PSG6: variants seen among roughly 807,000 people sequenced by gnomAD.
The protein encoded by PSG6 is pregnancy-specific beta-1-glycoprotein 6.
PSG6 carries 51 observed loss-of-function variants against 43.3 expected under a neutral mutation model. The observed-to-expected ratio is 1.18, with a 90% CI of 0.94 to 1.49. The LOEUF (loss-of-function observed/expected upper bound fraction) is 1.49. PSG6 is among the 40% of genes most tolerant of loss of function. PSG6 has a pLI of 0.00. For missense variants in PSG6, 770 were observed against 522.2 expected, an observed-to-expected ratio of 1.47 and a Z score of -4.62; for synonymous variants, 292 against 197.6, an observed-to-expected ratio of 1.48 and a Z score of -4.01.
intron 1 of PSG6, among the ~76,000 whole-genome samples, chr19:42,917,174 T>C (rs1004196633): frequency 3.3e-5 from 5 of 151,234 alleles, no homozygotes; most frequent in African/African-American, 1.2e-4. Context: ...GTCATTATTA[T>C]CATTTTTCAA....
intron 5 of PSG6, among the ~76,000 whole-genome samples, chr19:42,904,691 A>G (rs1972085204): frequency 6.6e-6 from 1 of 151,712 alleles, no homozygotes. Context: ...GGAAGACTCA[A>G]TATTGTTAGG....
At chr19:42,904,342 G>A (rs1286500511) in intron 5 of PSG6, among the ~76,000 whole-genome samples, 1 of 151,498 alleles carries the variant, frequency 6.6e-6, no homozygotes, top group African/African-American at 2.4e-5. Context: ...CAAATTGGAA[G>A]GAAGGAGTAA....
At chr19:42,909,424 G>A (rs1021681967) in intron 3 of PSG6, among the ~76,000 whole-genome samples, 3 of 151,466 alleles carry the variant, frequency 2.0e-5, no homozygotes, top group South Asian at 2.1e-4. Context: ...CTCAGATTTA[G>A]GACAGAGTTT....
intron 1 of PSG6, among the ~76,000 whole-genome samples, chr19:42,917,029 G>C (rs888423323): frequency 3.3e-5 from 5 of 151,528 alleles, no homozygotes; most frequent in African/African-American, 1.2e-4. Context: ...ACAGGATGCA[G>C]ACTCCTGTAG....
intron 3 of PSG6, among the ~76,000 whole-genome samples, chr19:42,909,055 T>C (rs934953894): frequency 2.6e-5 from 4 of 151,768 alleles, no homozygotes; most frequent in South Asian, 2.1e-4. Context: ...ATTTCTGATA[T>C]TTTTTGATTC....
At position 42,902,129 on chromosome 19, in the gene PSG6, T is replaced by C; in HGVS notation, c.*283A>G. On this transcript the variant is annotated 3_prime_UTR_variant, in exon 6 of 6. Coordinates refer to ENST00000187910, the MANE Select transcript of PSG6 (RefSeq NM_001031850.4). ...TTTATTACCATAAACCTATGAATAC[T>C]CATGAATAGTTTCCCAATTCTGGGG... 2.7e-6 allele frequency: 1 copy of C among 372,112 alleles called. No individual in the cohort carries two copies. The highest frequency in any genetic ancestry group is 4.0e-5 in the Admixed American group (1 of 25,308). The allele number at this position is 372,112 out of a possible 1,614,324, so 23.1% of individuals were successfully genotyped here.
chr19:42,909,842 G>C (rs1393686444), intron 3 of PSG6: 1 of 152,868 alleles, frequency 6.5e-6, no homozygotes, highest in Non-Finnish European at 1.5e-5. Context: ...CCTTTGCAGA[G>C]AGCAGGTGGC....
At position 42,916,126 on chromosome 19, in the gene PSG6, G is replaced by C. The variant is rs1477409420; in HGVS notation, c.426C>G (p.Tyr142Ter). 6.2e-7 allele frequency: 1 copy of C among 1,611,056 alleles called. No homozygotes were observed. Among genetic ancestry groups the C allele is most frequent in the Non-Finnish European group, 8.5e-7 (1 of 1,178,570 alleles). The change falls in exon 2 of 6, where the codon TAC (tyrosine) becomes TAG (stop). Residue 142 changes from tyrosine (Y) to a stop codon, truncating the protein, a stop_gained and splice_region_variant. Coordinates refer to ENST00000187910, the MANE Select transcript of PSG6 (RefSeq NM_001031850.4). LOFTEE classifies it high-confidence loss of function. Reference sequence around the variant, plus strand: ...CAGGGATCATGCGGAATCACTCACAGTATAAGGTGACAGTGAAATATCCAG... The same window carrying C: ...CAGGGATCATGCGGAATCACTCACACTATAAGGTGACAGTGAAATATCCAG... Reference protein sequence around the residue: ...GVTGYFTVTLYSETPKPSISS... With the variant: ...GVTGYFTVTL
intron 1 of PSG6, among the ~76,000 whole-genome samples, chr19:42,916,710 C>A (rs1471667374): frequency 9.3e-5 from 14 of 151,032 alleles, no homozygotes; most frequent in African/African-American, 3.2e-4. Context: ...ACCCCCATTC[C>A]TTCAACACTC....
At position 42,913,739 on chromosome 19, in the gene PSG6, A is replaced by G. The variant is rs57150783; in HGVS notation, c.427+2386T>C. Among the ~76,000 whole-genome samples, 1,155 of 151,768 alleles carry G rather than the reference A, an allele frequency of 7.6e-3. 24 individuals are homozygous for G. Among genetic ancestry groups the G allele is most frequent in the African/African-American group, 0.026 (1,077 of 41,384 alleles). On this transcript the variant is annotated intron_variant, in intron 2 of 5. Coordinates refer to ENST00000187910, the MANE Select transcript of PSG6 (RefSeq NM_001031850.4). The stretch of plus-strand genomic sequence containing the variant: ...ATGTTTCTCATTCTTTTGCCTTCTG[A>G]CAACCGGCTGACCTCATCCATACCT...
chr19:42,915,965 G>A (rs10421952), intron 2 of PSG6, 160 bp downstream of exon 2: 3 of 1,181,198 alleles, frequency 2.5e-6, no homozygotes, highest in Non-Finnish European at 2.4e-6. Flanking sequence ...CTGTTGAAAT[G>A]TGTCTCCTCT....
chr19:42,910,962 G>C lies in PSG6; in HGVS notation c.428-104C>G, dbSNP rs375456092. ...ATTTCCAACCTCTCAGCCCACCCAA[G>C]TCCTTAAAAGCCCATGGCAGGTGTG... On this transcript the variant is annotated intron_variant, in intron 2 of 5. Transcript: ENST00000187910. 86 of 1,515,256 alleles carry C rather than the reference G, an allele frequency of 5.7e-5. 4 individuals carry two copies. Among genetic ancestry groups the C allele is most frequent in the Admixed American group, 3.5e-4 (16 of 45,406 alleles). The allele number at this position is 1,515,256 out of a possible 1,614,324, so 93.9% of individuals were successfully genotyped here. A position where few individuals can be genotyped will look rare whatever the true frequency, so the allele number is the denominator to read the frequency against.
At chr19:42,916,613 AACACAC>A in intron 1 of PSG6, 126 bp from the exon 2 acceptor site, 1 of 1,333,860 alleles carries the variant, frequency 7.5e-7, no homozygotes. Flanking sequence ...CACACATACA[AACACAC>A]ACACACAAAA....
intron 1 of PSG6, among the ~76,000 whole-genome samples, chr19:42,917,098 G>A (rs924364060): frequency 6.6e-6 from 1 of 150,968 alleles, no homozygotes; most frequent in African/African-American, 2.4e-5. Flanking sequence ...CAATTGTTGA[G>A]GTTTTTTGCT....
At chr19:42,910,421 G>T (rs1306440347) in intron 3 of PSG6, 159 bp downstream of exon 3, 2 of 1,566,544 alleles carry the variant, frequency 1.3e-6, no homozygotes, top group East Asian at 2.2e-5. Context: ...TCAAGCCTAG[G>T]CCTACTCTGG....
intron 3 of PSG6, chr19:42,910,129 G>T (rs546944549): frequency 5.3e-4 from 136 of 258,700 alleles, no homozygotes; most frequent in Middle Eastern, 1.4e-3. Context: ...TCCCCTGTAT[G>T]GTAATAGGTG....
rs751003549 is a variant in PSG6 at position 42,907,869 on chromosome 19, G to A, written c.707-15C>T. The A allele has an allele frequency of 5.0e-6, 8 of 1,610,756 alleles. No homozygotes were observed. The East Asian group carries it at 1.3e-4, about 27-fold the overall frequency. The stretch of plus-strand genomic sequence containing the variant: ...GGGCAGCTTCGCTGTGTGGATAACA[G>A]AAGATTGTCCTGTGTGGCACCTTTG... On this transcript the variant is annotated splice_polypyrimidine_tract_variant and intron_variant, in intron 3 of 5. Coordinates refer to ENST00000187910, the MANE Select transcript of PSG6 (RefSeq NM_001031850.4).
intron 1 of PSG6, 139 bp downstream of exon 1, chr19:42,917,590 C>G: frequency 7.5e-7 from 1 of 1,338,284 alleles, no homozygotes; most frequent in South Asian, 1.3e-5. Context: ...ATCTTGAACT[C>G]CTGATCTCGT....
chr19:42,908,026 G>C (rs1600542010), intron 3 of PSG6, 172 bp from the exon 4 acceptor site: 1 of 1,087,794 alleles, frequency 9.2e-7, no homozygotes, highest in East Asian at 2.5e-5. Context: ...CAAAGACTGT[G>C]AGGCCTCCTG....
Sources: gnomAD v4.1 joint callset for allele counts (sites outside exome capture counted in the v4.1 genomes callset) on GRCh38, gnomAD v4.1.1 for gene constraint, MANE v1.5 for transcripts, NCBI Gene and HGNC (gene_info 2026-07-23, HGNC 2026-07-21) for gene names.